The following ATP8B4 variants were observed in gnomAD, a reference collection of about 807,000 sequenced individuals.
The protein encoded by ATP8B4 is ATPase phospholipid transporting 8B4 (putative), also known as probable phospholipid-transporting ATPase IM.
Under a neutral mutation model 145.6 loss-of-function variants are expected in ATP8B4, and 133 were observed. The observed-to-expected ratio is 0.91, with a 90% confidence interval of 0.79 to 1.05. The LOEUF is 1.05. Among genes scored for constraint, ATP8B4 ranks in the 50% least tolerant of loss-of-function variants. The pLI is 0.00. For missense variants in ATP8B4, 1,458 were observed against 1,425.2 expected (o/e 1.02, Z -0.37); for synonymous variants, 507 against 492.9 (o/e 1.03, Z -0.38).
chr15:49,880,269 T>C (rs949599216), intron 23 of ATP8B4: 1 of 152,208 alleles, frequency 6.6e-6, no homozygotes, highest in Non-Finnish European at 1.5e-5. Context: ...GAAGTGAATT[T>C]GAGATAAGAC....
chr15:49,869,287 T>C lies in ATP8B4; in HGVS notation c.3028-2803A>G, dbSNP rs970073797. Among the ~76,000 whole-genome samples, 4 of 151,968 alleles carry C rather than the reference T, an allele frequency of 2.6e-5. No homozygotes were observed. The East Asian group carries it at 5.8e-4, about 22-fold the overall frequency. ...TTAAAAAAAAAATTGAAAAGCAGAA[T>C]TAAAAGTAATCAGAAAATAATATTA... On this transcript the variant is annotated intron_variant, in intron 25 of 27. Transcript: ENST00000284509.
chr15:50,102,388 T>C (rs563875260), intron 2 of ATP8B4, among the ~76,000 whole-genome samples: 1 of 151,732 alleles, frequency 6.6e-6, no homozygotes, highest in Non-Finnish European at 1.5e-5. Context: ...CCAAATAAGC[T>C]CAATTAGAAA....
chr15:50,011,346 AC>A (rs1198367736), intron 6 of ATP8B4, among the ~76,000 whole-genome samples: 1 of 152,202 alleles, frequency 6.6e-6, no homozygotes, highest in Admixed American at 6.5e-5. Context: ...TAGAGCAATA[AC>A]TAAAATGCAA....
chr15:50,179,849 C>G (rs1014212992), intron 1 of ATP8B4, among the ~76,000 whole-genome samples: 3 of 152,204 alleles, frequency 2.0e-5, no homozygotes, highest in African/African-American at 7.2e-5. Context: ...TGTTTATAAA[C>G]TACCCAGCTT....
intron 6 of ATP8B4, among the ~76,000 whole-genome samples, chr15:50,030,680 G>A (rs2050366917): frequency 6.6e-6 from 1 of 152,196 alleles, no homozygotes; most frequent in African/African-American, 2.4e-5. Flanking sequence ...CCTTTTATGT[G>A]AGAGGGCTCT....
intron 3 of ATP8B4, among the ~76,000 whole-genome samples, chr15:50,058,514 C>T (rs181509408): frequency 3.7e-4 from 57 of 152,298 alleles, no homozygotes; most frequent in Admixed American, 3.7e-3. Context: ...AAAGAATTTT[C>T]CAAAGGGCCA....
intron 2 of ATP8B4, among the ~76,000 whole-genome samples, chr15:50,095,161 G>A (rs1475660804): frequency 6.6e-6 from 1 of 152,100 alleles, no homozygotes; most frequent in East Asian, 1.9e-4. Context: ...GAGAAAGATA[G>A]CAGCCCTTCC....
intron 9 of ATP8B4, among the ~76,000 whole-genome samples, chr15:49,994,135 T>C (rs2047239024): frequency 6.6e-6 from 1 of 152,162 alleles, no homozygotes; most frequent in African/African-American, 2.4e-5. Flanking sequence ...TGGTTTAAAT[T>C]TGGAGCTACT....
At chr15:49,972,531 T>C (rs779069051) in intron 13 of ATP8B4, 51 bp downstream of exon 13, 1 of 1,552,258 alleles carries the variant, frequency 6.4e-7, no homozygotes, top group South Asian at 1.2e-5. Flanking sequence ...GGGTCAGTTA[T>C]TCAAGAAATT....
chr15:49,930,143 G>A (rs1323804032), intron 16 of ATP8B4, among the ~76,000 whole-genome samples: 2 of 152,034 alleles, frequency 1.3e-5, no homozygotes, highest in Non-Finnish European at 2.9e-5. Flanking sequence ...CAAGCAAGGA[G>A]GGATAAGGAA....
intron 12 of ATP8B4, among the ~76,000 whole-genome samples, chr15:49,973,203 G>A (rs1293722787): frequency 1.3e-5 from 2 of 152,106 alleles, no homozygotes; most frequent in East Asian, 3.9e-4. Flanking sequence ...ATGGTTTCAG[G>A]ATGATTCAAG....
chr15:50,137,485 G>A (rs1046186707), intron 1 of ATP8B4, among the ~76,000 whole-genome samples: 5 of 152,154 alleles, frequency 3.3e-5, no homozygotes, highest in African/African-American at 4.8e-5. Flanking sequence ...ATCAATCACC[G>A]AATGACATTT....
At chr15:49,916,459 TACAGC>T (rs1177978255) in intron 20 of ATP8B4, among the ~76,000 whole-genome samples, 2 of 152,206 alleles carry the variant, frequency 1.3e-5, no homozygotes, top group African/African-American at 4.8e-5. Flanking sequence ...ATATGCTGTT[TACAGC>T]TGTTTCCCAA....
At chr15:50,108,777 CT>C (rs1448833672) in intron 1 of ATP8B4, among the ~76,000 whole-genome samples, 1 of 152,170 alleles carries the variant, frequency 6.6e-6, no homozygotes, top group Non-Finnish European at 1.5e-5. Flanking sequence ...GTGAGAGCCC[CT>C]ATCACTCTAG....
intron 1 of ATP8B4, among the ~76,000 whole-genome samples, chr15:50,162,589 C>T (rs1296106278): frequency 6.6e-6 from 1 of 152,150 alleles, no homozygotes; most frequent in Non-Finnish European, 1.5e-5. Context: ...TCACTGCAAG[C>T]TCCGCCTCCC....
At chr15:49,947,162 G>A (rs946711775) in intron 14 of ATP8B4, among the ~76,000 whole-genome samples, 1 of 152,156 alleles carries the variant, frequency 6.6e-6, no homozygotes, top group Non-Finnish European at 1.5e-5. Flanking sequence ...GCCGGGTGCG[G>A]TGGCTCATGC....
chr15:50,161,136 C>T (rs1209481655), intron 1 of ATP8B4, among the ~76,000 whole-genome samples: 1 of 152,024 alleles, frequency 6.6e-6, no homozygotes, highest in African/African-American at 2.4e-5. Context: ...CCTTCTTTGT[C>T]TCTTCCAGTT....
At chr15:49,999,292 C>T (rs1406438556) in intron 8 of ATP8B4, among the ~76,000 whole-genome samples, 2 of 149,474 alleles carry the variant, frequency 1.3e-5, no homozygotes, top group African/African-American at 4.9e-5. Context: ...GAACAAAAAA[C>T]CAAACACCGC....
At chr15:49,892,514 T>G (rs552395405) in intron 23 of ATP8B4, among the ~76,000 whole-genome samples, 1 of 152,318 alleles carries the variant, frequency 6.6e-6, no homozygotes, top group South Asian at 2.1e-4. Flanking sequence ...AATATTCTTG[T>G]TATCATTTTG....
Sources: gnomAD v4.1 joint callset for allele counts (sites outside exome capture counted in the v4.1 genomes callset) on GRCh38, gnomAD v4.1.1 for gene constraint, MANE v1.5 for transcripts, NCBI Gene and HGNC (gene_info 2026-07-23, HGNC 2026-07-21) for gene names.